LIPI: variants seen among roughly 807,000 people sequenced by gnomAD.
The protein encoded by LIPI is lipase I, also known as lipase member I.
LIPI carries 59 observed loss-of-function variants against 50.6 expected under a neutral mutation model. The observed-to-expected ratio is 1.16, with a 90% CI of 0.94 to 1.45. The LOEUF is 1.45. Ranked by LOEUF, LIPI falls within the 40% of genes most tolerant of loss-of-function variation. The pLI, the probability that LIPI is intolerant of heterozygous loss-of-function variation, is 0.00. For synonymous variants in LIPI, 203 were observed against 178.2 expected, an observed-to-expected ratio of 1.14 and a Z score of -1.11; for missense variants, 586 against 536.3, an observed-to-expected ratio of 1.09 and a Z score of -0.92.
At chr21:14,200,582 C>G (rs988168643) in intron 1 of LIPI, among the ~76,000 whole-genome samples, 3 of 151,898 alleles carry the variant, frequency 2.0e-5, no homozygotes, top group Non-Finnish European at 4.4e-5. Flanking sequence ...AGGAGAACAA[C>G]AAAACACTGC....
rs1390841282 is a variant in LIPI, at chr21:14,182,481, A to T, written c.542-622T>A. Among the ~76,000 whole-genome samples the T allele has an allele frequency of 2.0e-5, 3 of 152,328 alleles. No individual in the cohort carries two copies. In the East Asian group the frequency reaches 5.8e-4, roughly 29 times the overall value. Reference sequence around the variant, plus strand: ...GGAATTGTCAAAAAGAGGAGAGAGAAGATAAAATTCAGTTTTTTGAGAACA... The same window carrying T: ...GGAATTGTCAAAAAGAGGAGAGAGATGATAAAATTCAGTTTTTTGAGAACA... On this transcript the variant is annotated intron_variant, in intron 3 of 9. Coordinates refer to ENST00000681601, the MANE Select transcript of LIPI (RefSeq NM_001302998.2).
intron 7 of LIPI, among the ~76,000 whole-genome samples, chr21:14,153,027 T>C (rs898162123): frequency 2.0e-5 from 3 of 152,188 alleles, no homozygotes; most frequent in African/African-American, 7.2e-5. Context: ...TACTTTTCAA[T>C]AGCAGATCTA....
At chr21:14,181,892 C>A in intron 3 of LIPI, 33 bp from the exon 4 acceptor site, 1 of 1,199,886 alleles carries the variant, frequency 8.3e-7, no homozygotes, top group South Asian at 1.2e-5. Context: ...TCAGTCTCAT[C>A]AAGTCCACAG....
chr21:14,194,841 GAAAAC>G (rs973483278), intron 1 of LIPI, among the ~76,000 whole-genome samples: 2 of 152,032 alleles, frequency 1.3e-5, no homozygotes, highest in African/African-American at 4.8e-5. Flanking sequence ...ACAATTGAAA[GAAAAC>G]AAAACAAAAC....
intron 9 of LIPI, among the ~76,000 whole-genome samples, chr21:14,110,870 ATCTC>A (rs752098192): frequency 1.3e-5 from 2 of 149,688 alleles, no homozygotes; most frequent in African/African-American, 2.4e-5. Context: ...TCTATCATCT[ATCTC>A]TCTCTATATA....
intron 9 of LIPI, among the ~76,000 whole-genome samples, chr21:14,143,041 T>C (rs1441658715): frequency 6.6e-6 from 1 of 152,076 alleles, no homozygotes; most frequent in Non-Finnish European, 1.5e-5. Context: ...CAGCGAAATA[T>C]GCCTACTCCA....
At chr21:14,135,645 T>G (rs73157506) in intron 9 of LIPI, among the ~76,000 whole-genome samples, 21,256 of 152,174 alleles carry the variant, frequency 0.14, 1,965 homozygotes, top group South Asian at 0.22. Flanking sequence ...GCAATCCCAG[T>G]AGCCTAAACT....
chr21:14,173,959 C>T (rs935534613), intron 4 of LIPI, among the ~76,000 whole-genome samples: 2 of 152,088 alleles, frequency 1.3e-5, no homozygotes, highest in African/African-American at 2.4e-5. Flanking sequence ...GTGAAATTCA[C>T]GCAAGGAAGG....
At chr21:14,142,669 A>C (rs1223097608) in intron 9 of LIPI, among the ~76,000 whole-genome samples, 5 of 151,266 alleles carry the variant, frequency 3.3e-5, no homozygotes, top group African/African-American at 1.2e-4. Context: ...TTTTTTGTAG[A>C]GATAGGATTT....
At chr21:14,126,836 A>G (rs1165624819) in intron 9 of LIPI, among the ~76,000 whole-genome samples, 2 of 152,200 alleles carry the variant, frequency 1.3e-5, no homozygotes, top group East Asian at 3.8e-4. Context: ...ACTTGGGCAC[A>G]GTGGTTGCCA....
intron 9 of LIPI, among the ~76,000 whole-genome samples, chr21:14,125,454 T>C (rs1199475872): frequency 6.6e-6 from 1 of 152,198 alleles, no homozygotes; most frequent in Non-Finnish European, 1.5e-5. Flanking sequence ...ATGAAACTAC[T>C]TGGTTCATCC....
intron 9 of LIPI, among the ~76,000 whole-genome samples, chr21:14,136,397 TGGGACTTAA>T (rs1229337807): frequency 1.3e-5 from 2 of 152,118 alleles, no homozygotes; most frequent in African/African-American, 4.8e-5. Flanking sequence ...TAAGAGAAAT[TGGGACTTAA>T]GGGAAAATCA....
At chr21:14,116,302 G>T (rs2016635262) in intron 9 of LIPI, among the ~76,000 whole-genome samples, 1 of 152,088 alleles carries the variant, frequency 6.6e-6, no homozygotes, top group Non-Finnish European at 1.5e-5. Flanking sequence ...GGCGAGTGTG[G>T]GATGAGCCAG....
chr21:14,189,308 AG>A lies in LIPI; in HGVS notation c.157del (p.Leu53Ter). 2.5e-6 allele frequency: 4 copies of A among 1,613,766 alleles called. No individual in the cohort carries two copies. The highest frequency in any genetic ancestry group is 3.4e-6 in the Non-Finnish European group (4 of 1,179,658). On this transcript the variant is annotated frameshift_variant, in exon 2 of 10. Coordinates refer to ENST00000681601, the MANE Select transcript of LIPI (RefSeq NM_001302998.2). LOFTEE classifies it high-confidence loss of function. ...TILMMYTRNN[L>X]NCAEPLFEQN... ...TTCAAACAGTGGCTCAGCACAGTTT[AG>A]GTTGTTCCTTGTATACATCATCAGA...
intron 4 of LIPI, among the ~76,000 whole-genome samples, chr21:14,180,851 T>C (rs988991196): frequency 1.3e-5 from 2 of 152,176 alleles, no homozygotes; most frequent in African/African-American, 4.8e-5. Flanking sequence ...TAAACCCAAG[T>C]ATAGATCACC....
At chr21:14,194,932 G>A (rs1009730047) in intron 1 of LIPI, among the ~76,000 whole-genome samples, 5 of 152,052 alleles carry the variant, frequency 3.3e-5, no homozygotes, top group Non-Finnish European at 7.4e-5. Flanking sequence ...CCAGAACAGT[G>A]GATAAACTAT....
intron 2 of LIPI, among the ~76,000 whole-genome samples, chr21:14,186,809 G>A (rs1460629847): frequency 6.6e-6 from 1 of 152,204 alleles, no homozygotes; most frequent in Non-Finnish European, 1.5e-5. Context: ...TGAGGACACA[G>A]TGAAAAGGCA....
Position 14,144,774 on chromosome 21 carries a change from G to T in LIPI, c.1144C>A (p.Gln382Lys). ...YEKNKPFYKL[Q>K]EVKILAQFYN... The stretch of plus-strand genomic sequence containing the variant: ...AATTGAGCAAGAATCTTGACTTCTT[G>T]AAGTTTATAAAATGGTTTGTTCTTT... The change falls in exon 9 of 10, where the codon CAA (glutamine) becomes AAA (lysine). Residue 382 changes from glutamine (Q) to lysine (K), a missense_variant. Coordinates refer to ENST00000681601, the MANE Select transcript of LIPI (RefSeq NM_001302998.2). The T allele has an allele frequency of 6.3e-7, 1 of 1,580,492 alleles. No homozygotes were observed. Among genetic ancestry groups the T allele is most frequent in the Non-Finnish European group, 8.7e-7 (1 of 1,150,700 alleles).
At chr21:14,191,862 A>G (rs2019688413) in intron 1 of LIPI, among the ~76,000 whole-genome samples, 1 of 152,230 alleles carries the variant, frequency 6.6e-6, no homozygotes, top group African/African-American at 2.4e-5. Context: ...AAAAGCATCC[A>G]TAGTCTGGCC....
Sources: allele counts gnomAD v4.1 joint callset (sites outside exome capture counted in the v4.1 genomes callset), GRCh38; gene constraint gnomAD v4.1.1; transcripts MANE v1.5; gene names NCBI Gene and HGNC (gene_info 2026-07-23, HGNC 2026-07-21).